Variants in SLC41A2 observed in about 807,000 individuals in gnomAD.
SLC41A2 encodes SLC41A1-like 1.
Under a neutral mutation model 58.3 loss-of-function variants are expected in SLC41A2, and 32 were observed. The ratio of observed to expected loss-of-function variants is 0.55; its 90% CI spans 0.41 to 0.74. The LOEUF (loss-of-function observed/expected upper bound fraction) is 0.74, where lower values mean the gene tolerates loss of function less well. SLC41A2 is among the 30% of genes least tolerant of loss of function. The pLI, the probability that SLC41A2 is intolerant of heterozygous loss-of-function variation, is 0.00. For synonymous variants in SLC41A2, 190 were observed against 235.0 expected (o/e 0.81, Z 1.75); for missense variants, 514 against 680.6 (o/e 0.76, Z 2.72).
At chr12:104,854,860 AG>A (rs1438996545) in intron 8 of SLC41A2, among the ~76,000 whole-genome samples, 1 of 152,174 alleles carries the variant, frequency 6.6e-6, no homozygotes, top group African/African-American at 2.4e-5. Context: ...CCTTCATCTT[AG>A]TCTCTATCCC....
At chr12:104,919,765 C>T (rs905295488) in intron 2 of SLC41A2, among the ~76,000 whole-genome samples, 1 of 152,020 alleles carries the variant, frequency 6.6e-6, no homozygotes, top group African/African-American at 2.4e-5. Flanking sequence ...TATTTTTTCC[C>T]ACTCTGTAGC....
At chr12:104,857,673 C>A (rs2043066532) in intron 8 of SLC41A2, among the ~76,000 whole-genome samples, 1 of 151,692 alleles carries the variant, frequency 6.6e-6, no homozygotes, top group African/African-American at 2.4e-5. Context: ...TACTATGCAG[C>A]CATAAAAAAG....
chr12:104,911,443 T>G (rs559888665), intron 2 of SLC41A2, among the ~76,000 whole-genome samples: 14 of 152,262 alleles, frequency 9.2e-5, no homozygotes, highest in Non-Finnish European at 1.6e-4. Flanking sequence ...ATAAAGATAT[T>G]AAAGATACAA....
intron 4 of SLC41A2, 29 bp from the exon 5 acceptor site, chr12:104,889,206 A>C (rs1565876650): frequency 6.3e-7 from 1 of 1,588,900 alleles, no homozygotes. Flanking sequence ...ATCCAACTGA[A>C]TTATTCACTT....
chr12:104,838,468 T>C (rs1353193938), intron 10 of SLC41A2, among the ~76,000 whole-genome samples: 3 of 152,248 alleles, frequency 2.0e-5, no homozygotes, highest in African/African-American at 7.2e-5. Flanking sequence ...GCAATTTGCA[T>C]GTATGCATAA....
intron 7 of SLC41A2, among the ~76,000 whole-genome samples, chr12:104,863,032 C>T (rs58934667): frequency 0.015 from 2,223 of 152,286 alleles, 69 homozygotes; most frequent in African/African-American, 0.051. Context: ...AACATCTCCG[C>T]AACCCAGCTT....
chr12:104,907,792 G>C (rs1044131608), intron 3 of SLC41A2, among the ~76,000 whole-genome samples: 3 of 152,204 alleles, frequency 2.0e-5, no homozygotes, highest in African/African-American at 7.2e-5. Flanking sequence ...TTATTCCATA[G>C]GGTTGGTATA....
chr12:104,905,452 T>C (rs983541109), intron 3 of SLC41A2, among the ~76,000 whole-genome samples: 8 of 152,212 alleles, frequency 5.3e-5, no homozygotes, highest in African/African-American at 1.4e-4. Flanking sequence ...TGGCTTCACC[T>C]AGTGGATCCC....
Position 104,861,306 on chromosome 12 carries a change from T to C in SLC41A2, c.1240A>G (p.Thr414Ala), listed in dbSNP as rs1272446578. The C allele has an allele frequency of 6.2e-7, 1 of 1,612,120 alleles. No homozygotes were observed. Among genetic ancestry groups the C allele is most frequent in the Admixed American group, 1.7e-5 (1 of 59,910 alleles). Residue 414 changes from threonine (T) to alanine (A), a missense_variant, in exon 8 of 11, where the codon ACG becomes GCG. This residue lies in a region of SLC41A2 where 50 missense variants were observed against 104.5 expected (regional missense o/e 0.48). Transcript: ENST00000258538. ...TAATTCTTACCATTAATAACTGGCGTGTAAACAACAATCCCAACCAAGTTT... is the reference window on the plus strand; with the variant it reads ...TAATTCTTACCATTAATAACTGGCGCGTAAACAACAATCCCAACCAAGTTT... Reference protein sequence around the residue: ...DPNLVGIVVYTPVINGIGGNL... With the variant: ...DPNLVGIVVYAPVINGIGGNL...
chr12:104,829,837 G>GA (rs5800636), intron 10 of SLC41A2, among the ~76,000 whole-genome samples: 97,529 of 151,888 alleles, frequency 0.64, 31,825 homozygotes, highest in African/African-American at 0.74. Context: ...ATTACTTTGT[G>GA]CATATGAACA....
At chr12:104,829,890 T>C (rs2041982399) in intron 10 of SLC41A2, among the ~76,000 whole-genome samples, 1 of 152,238 alleles carries the variant, frequency 6.6e-6, no homozygotes, top group Non-Finnish European at 1.5e-5. Context: ...CAAAGTTTTA[T>C]TGGGACATAG....
At position 104,863,520 on chromosome 12, in the gene SLC41A2, T is replaced by TG. The variant is rs200589321; in HGVS notation, c.1176-2151dup. Among the ~76,000 whole-genome samples the TG allele has an allele frequency of 6.8e-3, 1,029 of 152,324 alleles. 9 individuals carry two copies. Among genetic ancestry groups the TG allele is most frequent in the African/African-American group, 0.024 (983 of 41,566 alleles). On this transcript the variant is annotated intron_variant, in intron 7 of 10. Transcript: ENST00000258538. ...CTAGCCCCACCTCCAGGTCCTTCTC[T>TG]GTACTAGAAATTCTTTTTATCTTCT...
chr12:104,847,815 T>C (rs1313014495), intron 8 of SLC41A2, among the ~76,000 whole-genome samples: 3 of 152,248 alleles, frequency 2.0e-5, no homozygotes, highest in African/African-American at 7.2e-5. Context: ...GGTCCTAGAA[T>C]AGCATCATTC....
At chr12:104,953,892 ATGGAGCAGCAAGG>A (rs1436055735) in intron 1 of SLC41A2, among the ~76,000 whole-genome samples, 1 of 152,226 alleles carries the variant, frequency 6.6e-6, no homozygotes, top group African/African-American at 2.4e-5. Flanking sequence ...AACAGTTAGC[ATGGAGCAGCAAGG>A]TGGGGCAAAA....
intron 1 of SLC41A2, among the ~76,000 whole-genome samples, chr12:104,935,935 C>T (rs759210928): frequency 2.1e-4 from 32 of 152,042 alleles, no homozygotes; most frequent in Non-Finnish European, 2.6e-4. Context: ...CTCAGCTACT[C>T]GGGAGGCTGA....
chr12:104,853,775 GCT>G (rs1384461289), intron 8 of SLC41A2, among the ~76,000 whole-genome samples: 10 of 151,496 alleles, frequency 6.6e-5, no homozygotes, highest in Admixed American at 4.0e-4. Flanking sequence ...ACAGGGTCCT[GCT>G]CTGTTGCCTA....
intron 10 of SLC41A2, among the ~76,000 whole-genome samples, chr12:104,835,906 T>C (rs1349040480): frequency 1.3e-5 from 2 of 152,058 alleles, no homozygotes; most frequent in African/African-American, 4.8e-5. Flanking sequence ...TGCAGTGGCA[T>C]GATCTCAGCT....
chr12:104,894,269 C>G (rs1482646811), intron 4 of SLC41A2, among the ~76,000 whole-genome samples: 2 of 151,798 alleles, frequency 1.3e-5, no homozygotes, highest in Non-Finnish European at 2.9e-5. Flanking sequence ...GGGAGAATCA[C>G]TTGAGCCCAG....
intron 8 of SLC41A2, among the ~76,000 whole-genome samples, chr12:104,851,290 T>G (rs1444821821): frequency 6.6e-6 from 1 of 152,172 alleles, no homozygotes; most frequent in African/African-American, 2.4e-5. Flanking sequence ...GTCCAGAAAC[T>G]GTATAGATTT....
Sources: allele counts gnomAD v4.1 joint callset (sites outside exome capture counted in the v4.1 genomes callset), GRCh38; gene constraint gnomAD v4.1.1; regional missense constraint gnomAD v4.1.1; transcripts MANE v1.5; gene names NCBI Gene and HGNC (gene_info 2026-07-23, HGNC 2026-07-21).